Variants in UNC79 observed in about 807,000 individuals in gnomAD.
The protein encoded by UNC79 is protein unc-79 homolog.
UNC79 carries 37 observed loss-of-function variants against 283.1 expected under a neutral mutation model. The ratio of observed to expected loss-of-function variants is 0.13; its 90% CI spans 0.10 to 0.17. UNC79 has a LOEUF of 0.17. Among genes scored for constraint, UNC79 ranks in the 10% least tolerant of loss-of-function variants. The pLI is 1.00. For synonymous variants in UNC79, 1,107 were observed against 1,200.2 expected, an observed-to-expected ratio of 0.92 and a Z score of 1.61; for missense variants, 2,272 against 3,211.1, an observed-to-expected ratio of 0.71 and a Z score of 7.07.
At chr14:93,552,774 C>A (rs1261659517) in intron 14 of UNC79, among the ~76,000 whole-genome samples, 5 of 151,996 alleles carry the variant, frequency 3.3e-5, no homozygotes, top group Non-Finnish European at 7.4e-5. Flanking sequence ...AAGCTGTGAG[C>A]CTAGCTATGG....
chr14:93,373,596 A>C (rs2054498799), intron 1 of UNC79, among the ~76,000 whole-genome samples: 1 of 152,230 alleles, frequency 6.6e-6, no homozygotes, highest in Non-Finnish European at 1.5e-5. Flanking sequence ...GTATCAAAGA[A>C]GTTGAATCAA....
At chr14:93,396,876 G>A (rs1161966338) in intron 1 of UNC79, among the ~76,000 whole-genome samples, 1 of 151,192 alleles carries the variant, frequency 6.6e-6, no homozygotes, top group Admixed American at 6.6e-5. Context: ...TTCTGCTTAT[G>A]CAATTCCTCA....
At chr14:93,487,793 C>T (rs773389348) in intron 5 of UNC79, 38 bp downstream of exon 5, 4 of 1,571,372 alleles carry the variant, frequency 2.5e-6, no homozygotes, top group East Asian at 2.3e-5. Flanking sequence ...AATTCTAGTA[C>T]CAATAATTAA....
At chr14:93,470,746 C>T (rs1003183985) in intron 2 of UNC79, among the ~76,000 whole-genome samples, 2 of 152,220 alleles carry the variant, frequency 1.3e-5, no homozygotes, top group Admixed American at 6.5e-5. Flanking sequence ...GTGAGCAACA[C>T]ACAACTTCAG....
chr14:93,520,758 A>G (rs577006900), intron 7 of UNC79, among the ~76,000 whole-genome samples: 12 of 152,078 alleles, frequency 7.9e-5, no homozygotes, highest in African/African-American at 2.6e-4. Context: ...AGTCACATTT[A>G]ATTTTTAAAT....
chr14:93,640,956 A>G (rs1414704409), intron 32 of UNC79, among the ~76,000 whole-genome samples, 189 bp from the exon 36 acceptor site: 1 of 152,162 alleles, frequency 6.6e-6, no homozygotes, highest in Non-Finnish European at 1.5e-5. Context: ...ACTTCAACCA[A>G]GCAGAAACAA....
At chr14:93,440,329 C>T (rs1042356986) in intron 1 of UNC79, among the ~76,000 whole-genome samples, 1 of 151,774 alleles carries the variant, frequency 6.6e-6, no homozygotes, top group African/African-American at 2.4e-5. Context: ...CTCTCCTGCC[C>T]CCTTTAAAAA....
intron 4 of UNC79, among the ~76,000 whole-genome samples, chr14:93,480,777 T>G (rs1048623124): frequency 6.6e-6 from 1 of 152,166 alleles, no homozygotes. Context: ...TTTTGGTGTC[T>G]AGAAATTGTG....
intron 2 of UNC79, among the ~76,000 whole-genome samples, chr14:93,469,919 A>G (rs555134543): frequency 3.9e-5 from 6 of 152,244 alleles, no homozygotes; most frequent in South Asian, 2.1e-4. Context: ...GACAAATAAT[A>G]TGGTCTAAGC....
intron 1 of UNC79, among the ~76,000 whole-genome samples, chr14:93,387,419 A>G (rs2054800845): frequency 1.3e-5 from 2 of 151,756 alleles, no homozygotes; most frequent in Admixed American, 1.3e-4. Context: ...TGTATTTCTT[A>G]GGTTTTGGTA....
chr14:93,563,769 G>A (rs2062707877), intron 14 of UNC79, among the ~76,000 whole-genome samples: 2 of 152,198 alleles, frequency 1.3e-5, no homozygotes, highest in South Asian at 4.1e-4. Context: ...TGGGGGTCAG[G>A]TGTAGTATCC....
At chr14:93,572,148 A>G in intron 15 of UNC79, 64 bp downstream of exon 15, 1 of 1,535,700 alleles carries the variant, frequency 6.5e-7, no homozygotes. Flanking sequence ...GTGAGCATGT[A>G]CTGTATGCCG....
chr14:93,475,548 CT>C (rs1469545344), intron 3 of UNC79, among the ~76,000 whole-genome samples: 1 of 152,086 alleles, frequency 6.6e-6, no homozygotes, highest in Non-Finnish European at 1.5e-5. Flanking sequence ...TTGTATAATT[CT>C]GTAGCCGTCT....
chr14:93,641,339 G>A (rs1436440580), intron 33 of UNC79, 92 bp downstream of exon 36: 3 of 1,251,444 alleles, frequency 2.4e-6, no homozygotes, highest in African/African-American at 1.5e-5. Context: ...AGCATGCTTT[G>A]CTTTTAAGTC....
intron 23 of UNC79, 60 bp downstream of exon 23, chr14:93,593,897 C>T (rs758434880): frequency 2.7e-6 from 4 of 1,467,446 alleles, no homozygotes; most frequent in Admixed American, 2.4e-5. Context: ...TGTCTGGTCA[C>T]GGCATCTTTT....
intron 40 of UNC79, among the ~76,000 whole-genome samples, chr14:93,666,078 T>G (rs2072173315): frequency 6.6e-6 from 1 of 152,048 alleles, no homozygotes; most frequent in Non-Finnish European, 1.5e-5. Flanking sequence ...TGTGTGTGTG[T>G]GTGTGTGTGG....
At chr14:93,692,899 G>A (rs1444634773) in intron 46 of UNC79, among the ~76,000 whole-genome samples, 1 of 152,182 alleles carries the variant, frequency 6.6e-6, no homozygotes, top group East Asian at 1.9e-4. Context: ...TCTTGTTATG[G>A]GGACACCATC....
At chr14:93,446,873 C>T (rs2056476337) in intron 1 of UNC79, among the ~76,000 whole-genome samples, 1 of 152,098 alleles carries the variant, frequency 6.6e-6, no homozygotes, top group East Asian at 1.9e-4. Context: ...ATTCTATGTG[C>T]CAATTGAAAA....
intron 14 of UNC79, among the ~76,000 whole-genome samples, chr14:93,559,175 A>T (rs928470595): frequency 3.3e-5 from 5 of 152,198 alleles, no homozygotes; most frequent in African/African-American, 1.2e-4. Flanking sequence ...ATAAACAAAA[A>T]CAGGGAAGTG....
Sources: gnomAD v4.1 joint callset for allele counts (sites outside exome capture counted in the v4.1 genomes callset) on GRCh38, gnomAD v4.1.1 for gene constraint, MANE v1.5 for transcripts, NCBI Gene and HGNC (gene_info 2026-07-23, HGNC 2026-07-21) for gene names.